The following DCBLD1 variants were observed in gnomAD, a reference collection of about 807,000 sequenced individuals.
The protein encoded by DCBLD1 is discoidin, CUB and LCCL domain containing 1.
Under a neutral mutation model 71.5 loss-of-function variants are expected in DCBLD1, and 57 were observed. That is an observed-to-expected ratio of 0.80 (90% CI 0.64 to 0.99). The LOEUF (loss-of-function observed/expected upper bound fraction) is 0.99, where lower values mean the gene tolerates loss of function less well. DCBLD1 is among the 50% of genes least tolerant of loss of function. The pLI is 0.00. For missense variants in DCBLD1, 891 were observed against 923.5 expected (o/e 0.96, Z 0.46); for synonymous variants, 380 against 363.8 (o/e 1.04, Z -0.51).
intron 2 of DCBLD1, among the ~76,000 whole-genome samples, chr6:117,506,125 G>C (rs1335633217): frequency 6.6e-6 from 1 of 151,872 alleles, no homozygotes; most frequent in South Asian, 2.1e-4. Context: ...TGTATGCCAG[G>C]CACCTGCTTG....
rs1779377744 is a variant in DCBLD1 at position 117,549,167 on chromosome 6, A to G, written c.*728A>G. On this transcript the variant is annotated 3_prime_UTR_variant, in exon 15 of 15. Transcript: ENST00000338728. ...AGAGGTCGGCCCAGCTCCGGTGACCATGAAGGTGGCACAGGAATTACAGTG... is the reference window on the plus strand; with the variant it reads ...AGAGGTCGGCCCAGCTCCGGTGACCGTGAAGGTGGCACAGGAATTACAGTG... 2 of 985,496 alleles carry G rather than the reference A, an allele frequency of 2.0e-6. No individual in the cohort carries two copies. The highest frequency in any genetic ancestry group is 4.7e-5 in the South Asian group (1 of 21,290). The allele number at this position is 985,496 out of a possible 1,614,324, so 61.0% of individuals were successfully genotyped here.
chr6:117,484,373 G>C (rs1777012230), intron 1 of DCBLD1, among the ~76,000 whole-genome samples: 1 of 152,160 alleles, frequency 6.6e-6, no homozygotes, highest in Non-Finnish European at 1.5e-5. Flanking sequence ...TTTTGAGACA[G>C]TGTCTCACTC....
At chr6:117,549,907 G>C (rs1286879700), downstream of DCBLD1, 1 of 951,368 alleles carries the variant, frequency 1.1e-6, no homozygotes, top group Non-Finnish European at 1.3e-6. Context: ...AGAGCTTGGT[G>C]CCAGATTAGG....
chr6:117,489,760 C>T (rs1777222066), intron 1 of DCBLD1, among the ~76,000 whole-genome samples: 1 of 152,180 alleles, frequency 6.6e-6, no homozygotes, highest in Admixed American at 6.5e-5. Context: ...TGGCGGGTGC[C>T]TGTGGTCCCA....
chr6:117,538,726 A>G lies in DCBLD1; in HGVS notation c.867A>G (p.Gln289=), dbSNP rs572062412. ...SGDQVHWSPG[Q]ARLQDQGPSW... is the part of the protein sequence containing the mutation. ...ACCAAGTTCACTGGTCTCCTGGCCAAGCCCGACTTCAGGACCAAGGCCCAT... is the reference window on the plus strand; with the variant it reads ...ACCAAGTTCACTGGTCTCCTGGCCAGGCCCGACTTCAGGACCAAGGCCCAT... The change falls in exon 8 of 15, where the codon CAA becomes CAG. Residue 289 remains glutamine, a synonymous_variant. Transcript: ENST00000338728. 6.2e-7 allele frequency: 1 copy of G among 1,614,222 alleles called. No homozygotes were observed. Among genetic ancestry groups the G allele is most frequent in the South Asian group, 1.1e-5 (1 of 91,088 alleles).
intron 9 of DCBLD1, 105 bp from the exon 10 acceptor site, chr6:117,540,563 C>T: frequency 3.5e-6 from 5 of 1,417,298 alleles, no homozygotes; most frequent in Non-Finnish European, 4.8e-6. Flanking sequence ...ATGCAACCGA[C>T]ATAGAATCCT....
intron 2 of DCBLD1, 133 bp from the exon 3 acceptor site, chr6:117,519,683 C>A: frequency 8.3e-7 from 1 of 1,197,828 alleles, no homozygotes; most frequent in Non-Finnish European, 1.1e-6. Context: ...AGCTAAATTT[C>A]AGTTGGTAAA....
chr6:117,552,747 A>T (rs1212018728), downstream of DCBLD1, among the ~76,000 whole-genome samples: 2 of 152,102 alleles, frequency 1.3e-5, no homozygotes, highest in Non-Finnish European at 2.9e-5. Flanking sequence ...CCACTCCCAC[A>T]CATGTCCACA....
In DCBLD1 at chr6:117,522,231, G is replaced by A. The variant is rs79370087; in HGVS notation, c.512+655G>A. Among the ~76,000 whole-genome samples the A allele has an allele frequency of 8.5e-5, 13 of 152,246 alleles. No homozygotes were observed. In the East Asian group the frequency reaches 2.5e-3, roughly 29 times the overall value. On this transcript the variant is annotated intron_variant, in intron 4 of 14. Coordinates refer to ENST00000338728, the MANE Select transcript of DCBLD1 (RefSeq NM_001366458.2). Reference sequence around the variant, plus strand: ...TTAGCCTTGGCACTATTGATATTTTGGTCAGATAATTCTTTATATTGCAGG... The same window carrying A: ...TTAGCCTTGGCACTATTGATATTTTAGTCAGATAATTCTTTATATTGCAGG...
intron 2 of DCBLD1, among the ~76,000 whole-genome samples, chr6:117,515,754 C>T (rs1325499411): frequency 6.6e-6 from 1 of 152,180 alleles, no homozygotes; most frequent in East Asian, 1.9e-4. Flanking sequence ...TTACACTTCT[C>T]TTCCTGACTT....
chr6:117,532,392 G>A lies in DCBLD1; in HGVS notation c.718G>A (p.Asp240Asn), dbSNP rs1259568784. ...GILANGVLSR[D>N]GSLSDKRFLF... ...TCTGGCCAATGGTGTTCTTTCGAGG[G>A]AGTAAGTATTTTTTTTCAGTATCGT... The change falls in exon 6 of 15, where the codon GAT (aspartate) becomes AAT (asparagine). Residue 240 changes from aspartate to asparagine, a missense_variant and splice_region_variant. Asp to Asn is a conservative substitution (Grantham distance 23, BLOSUM62 1). Coordinates refer to ENST00000338728, the MANE Select transcript of DCBLD1 (RefSeq NM_001366458.2). 3.1e-6 allele frequency: 5 copies of A among 1,602,422 alleles called. No homozygotes were observed. The highest frequency in any genetic ancestry group is 4.2e-6 in the Non-Finnish European group (5 of 1,176,672).
chr6:117,537,425 T>G (rs1030281214), intron 7 of DCBLD1, among the ~76,000 whole-genome samples, 200 bp downstream of exon 7: 3 of 151,286 alleles, frequency 2.0e-5, no homozygotes, highest in African/African-American at 7.3e-5. Flanking sequence ...TCCCAGCTTC[T>G]CGGGAGGCTG....
intron 2 of DCBLD1, among the ~76,000 whole-genome samples, chr6:117,515,110 C>T (rs899041829): frequency 1.3e-5 from 2 of 151,738 alleles, no homozygotes; most frequent in Non-Finnish European, 2.9e-5. Flanking sequence ...ACCTCCACCC[C>T]CCAGGTTCAA....
rs1326753877 is a variant in DCBLD1 at position 117,538,655 on chromosome 6, C to A, written c.796C>A (p.Gln266Lys). ...ATCCTTGAGTTTTGAACCTGACGGG[C>A]AAATCAGAGCTTCTTCCTCATGGCA... ...SRSLSFEPDGQIRASSSWQSV... is the reference protein window; with the variant it reads ...SRSLSFEPDGKIRASSSWQSV... Residue 266 changes from glutamine (Q) to lysine (K), a missense_variant, in exon 8 of 15, where the codon CAA (glutamine) becomes AAA (lysine). Transcript: ENST00000338728. 2.5e-6 allele frequency: 4 copies of A among 1,613,992 alleles called. No homozygotes were observed. In the Admixed American group the frequency reaches 6.7e-5, roughly 27 times the overall value.
chr6:117,542,562 C>T (rs2114558872), intron 11 of DCBLD1, among the ~76,000 whole-genome samples: 1 of 152,122 alleles, frequency 6.6e-6, no homozygotes, highest in Middle Eastern at 3.4e-3. Context: ...TGCAGGAAAA[C>T]ATGATGTGGT....
chr6:117,553,029 C>G (rs1313083540), downstream of DCBLD1, among the ~76,000 whole-genome samples: 1 of 152,184 alleles, frequency 6.6e-6, no homozygotes, highest in Non-Finnish European at 1.5e-5. Context: ...CAACATAATT[C>G]CCCTTGAGAA....
At chr6:117,515,204 G>A (rs1282834163) in intron 2 of DCBLD1, among the ~76,000 whole-genome samples, 2 of 151,828 alleles carry the variant, frequency 1.3e-5, no homozygotes, top group Non-Finnish European at 2.9e-5. Context: ...TGTATTTTTA[G>A]TAAAGATGGG....
At chr6:117,555,021 T>C (rs926142229) in intron 14 of DCBLD1, among the ~76,000 whole-genome samples, 4 of 152,188 alleles carry the variant, frequency 2.6e-5, no homozygotes, top group African/African-American at 9.7e-5. Context: ...TGCTAGGCAT[T>C]AGAATTAGCT....
At chr6:117,506,669 A>G (rs1288994010) in intron 2 of DCBLD1, among the ~76,000 whole-genome samples, 1 of 152,236 alleles carries the variant, frequency 6.6e-6, no homozygotes, top group East Asian at 1.9e-4. Context: ...CAGAGAGTGG[A>G]CATTCCTGTG....
Sources: gnomAD v4.1 joint callset for allele counts (sites outside exome capture counted in the v4.1 genomes callset) on GRCh38, gnomAD v4.1.1 for gene constraint, MANE v1.5 for transcripts, NCBI Gene and HGNC (gene_info 2026-07-23, HGNC 2026-07-21) for gene names.